Variants in INKA2 observed in about 807,000 individuals in gnomAD.
The protein encoded by INKA2 is inka box actin regulator 2, also known as PAK4-inhibitor INKA2.
A neutral mutation model predicts 9.8 loss-of-function variants in INKA2; 3 were observed. The ratio of observed to expected loss-of-function variants is 0.31; its 90% CI spans 0.14 to 0.79. The LOEUF (loss-of-function observed/expected upper bound fraction) is 0.79. INKA2 is among the 30% of genes least tolerant of loss of function. The probability of loss-of-function intolerance (pLI) is 0.62; values close to 1 mark genes in which losing one functional copy is unlikely to be tolerated. For missense variants in INKA2, 392 were observed against 384.4 expected, an observed-to-expected ratio of 1.02 and a Z score of -0.17; for synonymous variants, 147 against 143.3, an observed-to-expected ratio of 1.03 and a Z score of -0.18.
At chr1:111,747,190 T>C (rs1463316924) in intron 1 of INKA2, 1 of 152,172 alleles carries the variant, frequency 6.6e-6, no homozygotes, top group African/African-American at 2.4e-5. Context: ...CTCCTTGCCT[T>C]AGAGGAGACC....
intron 1 of INKA2, among the ~76,000 whole-genome samples, chr1:111,729,284 G>T (rs1662854600): frequency 6.6e-6 from 1 of 152,192 alleles, no homozygotes; most frequent in South Asian, 2.1e-4. Context: ...TTCTCAGCCT[G>T]CCTCTCCCTC....
intron 1 of INKA2, among the ~76,000 whole-genome samples, chr1:111,733,267 T>C (rs868373087): frequency 9.2e-5 from 14 of 152,324 alleles, no homozygotes; most frequent in African/African-American, 3.4e-4. Flanking sequence ...AGATGGCACC[T>C]ATCAACACAC....
At chr1:111,737,132 AAG>A (rs1663023905) in intron 1 of INKA2, among the ~76,000 whole-genome samples, 1 of 152,130 alleles carries the variant, frequency 6.6e-6, no homozygotes, top group South Asian at 2.1e-4. Flanking sequence ...CTTCCTCTCC[AAG>A]AGAGTCAAAG....
chr1:111,752,227 C>A (rs935237403), intron 1 of INKA2, among the ~76,000 whole-genome samples: 9 of 152,338 alleles, frequency 5.9e-5, no homozygotes, highest in South Asian at 2.1e-4. Context: ...GAATTCTCTA[C>A]AAGGGCAAAA....
intron 1 of INKA2, chr1:111,747,093 C>T (rs1278207390): frequency 6.6e-6 from 1 of 152,298 alleles, no homozygotes; most frequent in East Asian, 1.9e-4. Flanking sequence ...AGAATCAGCA[C>T]AGAAACCCAG....
exon 1 of INKA2, chr1:111,755,743 C>T (rs767373118): frequency 3.7e-6 from 6 of 1,613,976 alleles, no homozygotes; most frequent in Non-Finnish European, 5.1e-6. Context: ...GGGCTTTCCT[C>T]AGGCCACATT....
intron 1 of INKA2, among the ~76,000 whole-genome samples, chr1:111,729,833 G>T (rs1017875408): frequency 6.6e-6 from 1 of 152,062 alleles, no homozygotes; most frequent in South Asian, 2.1e-4. Flanking sequence ...CCCTGGCCCT[G>T]GGGGGGATGG....
rs781681321 is a variant in INKA2, at chr1:111,755,704, T to C, written n.121A>G. ...CAGGCCACAGGCAGCGACTCACCAG[T>C]TGCCTCATCTTTCCTCTCCTCCCTC... On this transcript the variant is annotated non_coding_transcript_exon_variant, in exon 1 of 2. Transcript: ENST00000444059. 2.5e-6 allele frequency: 4 copies of C among 1,613,782 alleles called. No homozygotes were observed. In the South Asian group the frequency reaches 4.4e-5, roughly 18 times the overall value.
At chr1:111,751,523 A>G (rs369699658) in intron 1 of INKA2, among the ~76,000 whole-genome samples, 2 of 152,212 alleles carry the variant, frequency 1.3e-5, no homozygotes, top group African/African-American at 2.4e-5. Flanking sequence ...TCCAATCCCA[A>G]TTATGAGCTC....
chr1:111,737,294 T>C (rs1198241038), intron 1 of INKA2, among the ~76,000 whole-genome samples: 1 of 152,192 alleles, frequency 6.6e-6, no homozygotes, highest in Non-Finnish European at 1.5e-5. Context: ...TCAGTGCAGA[T>C]TCCTATTTGC....
At position 111,722,750 on chromosome 1, in the gene INKA2, C is replaced by A; in HGVS notation, c.*4218G>T. On this transcript the variant is annotated 3_prime_UTR_variant, in exon 2 of 2. Coordinates refer to ENST00000357260, the MANE Select transcript of INKA2 (RefSeq NM_019099.5). ...TGTCTTCTCTGACCCTTGCTACAAT[C>A]CTGTGAGATATTAAATCAATATAAA... The A allele has an allele frequency of 3.5e-6, 1 of 285,898 alleles. No individual in the cohort carries two copies. Among genetic ancestry groups the A allele is most frequent in the Non-Finnish European group, 6.7e-6 (1 of 150,104 alleles). 17.7% of individuals were successfully genotyped at this position (285,898 alleles called of 1,614,324 possible).
At chr1:111,743,848 C>T (rs1557914833), upstream of INKA2, among the ~76,000 whole-genome samples, 1 of 152,264 alleles carries the variant, frequency 6.6e-6, no homozygotes, top group African/African-American at 2.4e-5. Flanking sequence ...CTGCCAACAA[C>T]TATTACCCCA....
intron 1 of INKA2, among the ~76,000 whole-genome samples, chr1:111,751,942 AT>A (rs34187656): frequency 0.13 from 18,246 of 141,954 alleles, 1,414 homozygotes; most frequent in African/African-American, 0.24. Context: ...CATTTCCCAG[AT>A]TTTTTTTTTT....
upstream of INKA2, among the ~76,000 whole-genome samples, chr1:111,741,796 AC>A (rs1405973923): frequency 5.9e-5 from 9 of 152,116 alleles, no homozygotes; most frequent in African/African-American, 2.2e-4. Flanking sequence ...GCTCACTGCA[AC>A]CTCTACCTCC....
At chr1:111,738,643 G>A (rs1663060329) in intron 1 of INKA2, among the ~76,000 whole-genome samples, 1 of 152,094 alleles carries the variant, frequency 6.6e-6, no homozygotes, top group East Asian at 1.9e-4. Context: ...AGCCGCGCCA[G>A]CTCTGCCAAG....
chr1:111,729,675 G>A (rs541438613), intron 1 of INKA2, among the ~76,000 whole-genome samples: 7 of 152,196 alleles, frequency 4.6e-5, no homozygotes, highest in African/African-American at 7.2e-5. Flanking sequence ...CCAGAGACCC[G>A]TGGGATCATC....
chr1:111,748,189 C>T (rs977043107), intron 1 of INKA2, among the ~76,000 whole-genome samples: 6 of 152,210 alleles, frequency 3.9e-5, no homozygotes, highest in Admixed American at 3.9e-4. Flanking sequence ...ATGAAGCAAG[C>T]TGTGTGGTTT....
rs909888333 is a variant in INKA2, at chr1:111,739,376, C to G, written c.-134G>C. Reference sequence around the variant, plus strand: ...GCAGCGCGGAGCTGAGCCTGCGCTCCGAGCCCGGGACTCAGAGTCGCTTCC... The same window carrying G: ...GCAGCGCGGAGCTGAGCCTGCGCTCGGAGCCCGGGACTCAGAGTCGCTTCC... On this transcript the variant is annotated 5_prime_UTR_variant, in exon 1 of 2. Coordinates refer to ENST00000357260, the MANE Select transcript of INKA2 (RefSeq NM_019099.5). The G allele has an allele frequency of 3.4e-5, 52 of 1,514,924 alleles. No homozygotes were observed. In the East Asian group the frequency reaches 6.2e-4, roughly 18 times the overall value. The allele number at this position is 1,514,924 out of a possible 1,614,324, so 93.8% of individuals were successfully genotyped here.
In INKA2 at chr1:111,727,547, A is replaced by C; in HGVS notation, c.315T>G (p.Phe105Leu). Residue 105 changes from phenylalanine to leucine, a missense_variant, in exon 2 of 2, where the codon TTT (phenylalanine) becomes TTG (leucine). Transcript: ENST00000357260. ...SQPSLGSSTK[F>L]PSHRSVCGRD... Reference sequence around the variant, plus strand: ...TTCCACAGACACTCCTATGGGATGGAAACTTGGTGCTGCTGCCAAGAGAAG... The same window carrying C: ...TTCCACAGACACTCCTATGGGATGGCAACTTGGTGCTGCTGCCAAGAGAAG... 2 of 1,613,780 alleles carry C rather than the reference A, an allele frequency of 1.2e-6. No homozygotes were observed. Among genetic ancestry groups the C allele is most frequent in the Non-Finnish European group, 1.7e-6 (2 of 1,179,822 alleles).
Sources: allele counts gnomAD v4.1 joint callset (sites outside exome capture counted in the v4.1 genomes callset), GRCh38; gene constraint gnomAD v4.1.1; transcripts MANE v1.5; gene names NCBI Gene and HGNC (gene_info 2026-07-23, HGNC 2026-07-21).